Variants in CDC14A observed in about 807,000 individuals in gnomAD.
CDC14A encodes cell division cycle 14A, also known as dual specificity protein phosphatase CDC14A.
Under a neutral mutation model 74.4 loss-of-function variants are expected in CDC14A, and 53 were observed. The observed-to-expected ratio is 0.71, with a 90% confidence interval of 0.57 to 0.89. The LOEUF is 0.89. CDC14A is among the 40% of genes least tolerant of loss of function. CDC14A has a pLI of 0.00. For missense variants in CDC14A, 646 were observed against 713.7 expected (o/e 0.91, Z 1.08); for synonymous variants, 247 against 258.4 (o/e 0.96, Z 0.43).
chr1:100,359,763 G>T (rs760469984), intron 2 of CDC14A, among the ~76,000 whole-genome samples: 8 of 151,640 alleles, frequency 5.3e-5, no homozygotes, highest in Non-Finnish European at 7.4e-5. Context: ...AAATGTTCTG[G>T]CTGCTTACCT....
At chr1:100,420,417 T>TA (rs540835257) in intron 4 of CDC14A, among the ~76,000 whole-genome samples, 4 of 151,956 alleles carry the variant, frequency 2.6e-5, no homozygotes, top group Non-Finnish European at 5.9e-5. Context: ...GGATTTAGTT[T>TA]AAAAAAATGA....
chr1:100,456,817 G>A (rs1487117897), intron 8 of CDC14A, among the ~76,000 whole-genome samples: 4 of 152,084 alleles, frequency 2.6e-5, no homozygotes, highest in African/African-American at 9.7e-5. Flanking sequence ...TTTACCATGC[G>A]AATGGGCAAT....
At chr1:100,473,719 G>A (rs572181232) in intron 10 of CDC14A, among the ~76,000 whole-genome samples, 4 of 152,090 alleles carry the variant, frequency 2.6e-5, no homozygotes, top group South Asian at 2.1e-4. Context: ...TTTGTATCCC[G>A]AAACCTAGGA....
At chr1:100,411,067 C>A (rs1482347452) in intron 4 of CDC14A, among the ~76,000 whole-genome samples, 1 of 152,146 alleles carries the variant, frequency 6.6e-6, no homozygotes, top group Non-Finnish European at 1.5e-5. Flanking sequence ...GAAGATCTCT[C>A]CCTGACCTAC....
intron 4 of CDC14A, among the ~76,000 whole-genome samples, chr1:100,398,682 A>C (rs2101007539): frequency 6.6e-6 from 1 of 152,328 alleles, no homozygotes; most frequent in South Asian, 2.1e-4. Context: ...AGCAATAAAC[A>C]ATTGTTTAAA....
At chr1:100,438,630 A>G (rs1037091418) in intron 5 of CDC14A, among the ~76,000 whole-genome samples, 1 of 152,220 alleles carries the variant, frequency 6.6e-6, no homozygotes, top group African/African-American at 2.4e-5. Flanking sequence ...TCCTTTTGAA[A>G]TGAGACATAA....
At chr1:100,353,992 T>G (rs1234735752) in intron 2 of CDC14A, 140 bp downstream of exon 2, 2 of 644,776 alleles carry the variant, frequency 3.1e-6, no homozygotes, top group African/African-American at 1.9e-5. Flanking sequence ...AAGACTCAGG[T>G]GCCTGGGGAG....
chr1:100,392,693 T>C (rs1437944899), intron 4 of CDC14A, among the ~76,000 whole-genome samples: 2 of 152,216 alleles, frequency 1.3e-5, no homozygotes, highest in Non-Finnish European at 1.5e-5. Context: ...AGTTTCCAAC[T>C]TCCTGTACAT....
chr1:100,482,793 T>C (rs1332076332), intron 10 of CDC14A, among the ~76,000 whole-genome samples: 1 of 152,066 alleles, frequency 6.6e-6, no homozygotes, highest in South Asian at 2.1e-4. Flanking sequence ...TATATATGTA[T>C]ATACAGAGAG....
At position 100,484,639 on chromosome 1, in the gene CDC14A, A is replaced by AG. The variant is rs1331415680; in HGVS notation, c.1137+189dup. The AG allele has an allele frequency of 6.0e-6, 7 of 1,162,926 alleles. No individual in the cohort carries two copies. The African/African-American group carries it at 1.1e-4, about 19-fold the overall frequency. The allele number at this position is 1,162,926 out of a possible 1,614,324, so 72.0% of individuals were successfully genotyped here. The stretch of plus-strand genomic sequence containing the variant: ...AACCAATTGCCCTTAAAAAAAAAAA[A>AG]GCTATAATTTAAGGAGTAAATTATA... On this transcript the variant is annotated intron_variant, in intron 11 of 15. Coordinates refer to ENST00000336454, the MANE Select transcript of CDC14A (RefSeq NM_003672.4).
chr1:100,516,486 A>G (rs1039450713), intron 15 of CDC14A, among the ~76,000 whole-genome samples: 2 of 152,186 alleles, frequency 1.3e-5, no homozygotes, highest in African/African-American at 2.4e-5. Flanking sequence ...TAGTGATAAC[A>G]TGCACAACTT....
intron 2 of CDC14A, among the ~76,000 whole-genome samples, chr1:100,364,903 G>A (rs927553693): frequency 6.6e-6 from 1 of 152,164 alleles, no homozygotes; most frequent in African/African-American, 2.4e-5. Flanking sequence ...TTGGCTTTAA[G>A]GCAAAGTGAA....
intron 4 of CDC14A, among the ~76,000 whole-genome samples, chr1:100,404,557 G>A (rs1479522464): frequency 4.6e-5 from 7 of 152,202 alleles, no homozygotes; most frequent in African/African-American, 1.7e-4. Flanking sequence ...GATGGCTGGC[G>A]TGGTGTCTCA....
chr1:100,352,233 G>C (rs1012627580), upstream of CDC14A, among the ~76,000 whole-genome samples: 1 of 152,180 alleles, frequency 6.6e-6, no homozygotes, highest in Non-Finnish European at 1.5e-5. Context: ...TACAGGCCCC[G>C]CCCGCTCCCC....
intron 10 of CDC14A, among the ~76,000 whole-genome samples, chr1:100,482,793 T>A (rs1332076332): frequency 6.6e-6 from 1 of 152,066 alleles, no homozygotes; most frequent in Non-Finnish European, 1.5e-5. Flanking sequence ...TATATATGTA[T>A]ATACAGAGAG....
At chr1:100,357,132 T>C (rs1017286304) in intron 2 of CDC14A, among the ~76,000 whole-genome samples, 1 of 152,178 alleles carries the variant, frequency 6.6e-6, no homozygotes, top group Non-Finnish European at 1.5e-5. Flanking sequence ...TTTGGCCAGA[T>C]TGAATTTAAG....
At chr1:100,462,939 G>A in intron 9 of CDC14A, 58 bp downstream of exon 9, 2 of 1,314,754 alleles carry the variant, frequency 1.5e-6, no homozygotes, top group East Asian at 2.3e-5. Context: ...GGCCAAGGAA[G>A]AGCAAATAAC....
intron 1 of CDC14A, 34 bp from the exon 2 acceptor site, chr1:100,353,726 CAT>C (rs1651468468): frequency 8.9e-7 from 1 of 1,120,962 alleles, no homozygotes; most frequent in Non-Finnish European, 1.3e-6. Context: ...CTCTACTTCT[CAT>C]ATGTTTTTTC....
chr1:100,420,082 A>ATATATATATATATATATATAGTGT (rs58124351), intron 4 of CDC14A, among the ~76,000 whole-genome samples: 6 of 105,540 alleles, frequency 5.7e-5, no homozygotes, highest in Non-Finnish European at 9.9e-5. Flanking sequence ...ATATATATAT[A>ATATATATATATATATATATAGTGT]GTGTGTATGT....
Sources: allele counts gnomAD v4.1 joint callset (sites outside exome capture counted in the v4.1 genomes callset), GRCh38; gene constraint gnomAD v4.1.1; transcripts MANE v1.5; gene names NCBI Gene and HGNC (gene_info 2026-07-23, HGNC 2026-07-21).